The following SLC35F4 variants were observed in gnomAD, a reference collection of about 807,000 sequenced individuals.
The protein encoded by SLC35F4 is chromosome 14 open reading frame 36.
A neutral mutation model predicts 44.2 loss-of-function variants in SLC35F4; 24 were observed. That is an observed-to-expected ratio of 0.54 (90% CI 0.39 to 0.76). SLC35F4 has a LOEUF of 0.76. Among genes scored for constraint, SLC35F4 ranks in the 30% least tolerant of loss-of-function variants. SLC35F4 has a pLI of 0.00. For synonymous variants in SLC35F4, 238 were observed against 223.6 expected, an observed-to-expected ratio of 1.06 and a Z score of -0.57; for missense variants, 562 against 586.1, an observed-to-expected ratio of 0.96 and a Z score of 0.42.
chr14:57,569,637 G>T (rs2068385052), intron 6 of SLC35F4, 151 bp downstream of exon 6: 2 of 878,064 alleles, frequency 2.3e-6, no homozygotes, highest in Non-Finnish European at 3.3e-6. Flanking sequence ...AGCTTGCAAA[G>T]AACCTTCTAA....
chr14:57,656,372 TATATACACACACACAC>T (rs1300548875), intron 1 of SLC35F4, among the ~76,000 whole-genome samples: 1 of 86,162 alleles, frequency 1.2e-5, no homozygotes, highest in Non-Finnish European at 2.2e-5. Context: ...TATATATATA[TATATACACACACACAC>T]ACACACACAC....
At chr14:57,591,761 A>T (rs2070197401) in intron 2 of SLC35F4, among the ~76,000 whole-genome samples, 1 of 152,208 alleles carries the variant, frequency 6.6e-6, no homozygotes, top group South Asian at 2.1e-4. Context: ...GTCCTGCATG[A>T]AATTTAAAAA....
chr14:57,703,713 C>T (rs2075600403), intron 1 of SLC35F4, among the ~76,000 whole-genome samples: 1 of 152,190 alleles, frequency 6.6e-6, no homozygotes, highest in East Asian at 1.9e-4. Flanking sequence ...TAGCATTAGG[C>T]TCAAAAACTC....
intron 1 of SLC35F4, among the ~76,000 whole-genome samples, chr14:57,950,891 T>C (rs1162022587): frequency 6.6e-6 from 1 of 152,086 alleles, no homozygotes; most frequent in Non-Finnish European, 1.5e-5. Context: ...GGTCTTGAAC[T>C]CCTGACCTCA....
intron 1 of SLC35F4, among the ~76,000 whole-genome samples, chr14:57,938,911 T>A (rs1889865744): frequency 6.6e-6 from 1 of 152,218 alleles, no homozygotes; most frequent in South Asian, 2.1e-4. Context: ...ATTTTTGGAA[T>A]AAGACTGTAG....
At chr14:57,785,387 C>G (rs909033048) in intron 1 of SLC35F4, among the ~76,000 whole-genome samples, 2 of 152,186 alleles carry the variant, frequency 1.3e-5, no homozygotes, top group African/African-American at 2.4e-5. Flanking sequence ...TGAAATGAGA[C>G]AGTAGTACAT....
At chr14:57,796,926 A>G (rs74839926) in intron 1 of SLC35F4, among the ~76,000 whole-genome samples, 1,575 of 152,348 alleles carry the variant, frequency 0.01, 26 homozygotes, top group African/African-American at 0.03. Context: ...ACAATTTTGT[A>G]AACACTAACA....
At chr14:57,849,368 G>C (rs7150475) in intron 1 of SLC35F4, among the ~76,000 whole-genome samples, 12,398 of 152,082 alleles carry the variant, frequency 0.082, 560 homozygotes, top group Middle Eastern at 0.15. Context: ...CGCCATGTTG[G>C]CCAGGCTGGT....
At chr14:57,662,139 C>A (rs2074157830) in intron 1 of SLC35F4, among the ~76,000 whole-genome samples, 1 of 152,190 alleles carries the variant, frequency 6.6e-6, no homozygotes, top group African/African-American at 2.4e-5. Flanking sequence ...TCTTTGAAAA[C>A]ATGTAGAAAT....
rs75387851 is a variant in SLC35F4, at chr14:57,793,052, T to G, written c.103+72671A>C. Among the ~76,000 whole-genome samples the G allele has an allele frequency of 8.6e-5, 13 of 151,958 alleles. No individual in the cohort carries two copies. The East Asian group carries it at 2.3e-3, about 27-fold the overall frequency. ...AACTTAAAAAACAAAACCAAAATAT[T>G]AGAAACTGGTGTCTAGAAAACACAG... On this transcript the variant is annotated intron_variant, in intron 1 of 7. Transcript: ENST00000556826.
intron 1 of SLC35F4, among the ~76,000 whole-genome samples, chr14:57,952,882 G>A (rs1159660655): frequency 6.6e-6 from 1 of 152,078 alleles, no homozygotes; most frequent in African/African-American, 2.4e-5. Flanking sequence ...TTATCCAGGA[G>A]AATTTCCCCA....
At chr14:57,663,869 A>C (rs906196730) in intron 1 of SLC35F4, among the ~76,000 whole-genome samples, 1 of 152,180 alleles carries the variant, frequency 6.6e-6, no homozygotes, top group Admixed American at 6.5e-5. Flanking sequence ...GCAAATTGGC[A>C]GTTCACAGGT....
intron 1 of SLC35F4, among the ~76,000 whole-genome samples, chr14:57,815,950 C>T (rs1882520518): frequency 6.6e-6 from 1 of 152,106 alleles, no homozygotes; most frequent in African/African-American, 2.4e-5. Flanking sequence ...TGCAGGATTA[C>T]CCCAAAGGCA....
intron 1 of SLC35F4, among the ~76,000 whole-genome samples, chr14:57,905,188 T>C (rs527995252): frequency 6.6e-6 from 1 of 152,326 alleles, no homozygotes; most frequent in African/African-American, 2.4e-5. Context: ...CTCACTCTGA[T>C]GCCTGCCAAG....
At chr14:57,864,521 A>G (rs1887957275) in intron 1 of SLC35F4, among the ~76,000 whole-genome samples, 1 of 152,246 alleles carries the variant, frequency 6.6e-6, no homozygotes, top group Non-Finnish European at 1.5e-5. Flanking sequence ...AAGCTCTTGA[A>G]TTATTATTCA....
intron 1 of SLC35F4, among the ~76,000 whole-genome samples, chr14:57,686,742 A>G (rs1184211732): frequency 2.0e-5 from 3 of 152,154 alleles, no homozygotes; most frequent in South Asian, 2.1e-4. Flanking sequence ...TGATAACCTC[A>G]TATCAATGTT....
chr14:57,945,006 A>G (rs973175398), intron 1 of SLC35F4, among the ~76,000 whole-genome samples: 2 of 152,220 alleles, frequency 1.3e-5, no homozygotes, highest in African/African-American at 2.4e-5. Context: ...ATTGACAAAG[A>G]TAAGTATCTC....
chr14:57,861,735 A>C (rs1887697179), intron 1 of SLC35F4, among the ~76,000 whole-genome samples: 1 of 151,178 alleles, frequency 6.6e-6, no homozygotes, highest in Non-Finnish European at 1.5e-5. Context: ...TCCCCTTCAA[A>C]CTCTTTATTT....
intron 1 of SLC35F4, among the ~76,000 whole-genome samples, chr14:57,836,577 C>T (rs1472126102): frequency 6.6e-6 from 1 of 152,204 alleles, no homozygotes; most frequent in African/African-American, 2.4e-5. Flanking sequence ...AGGTGTGAGC[C>T]ACTGCGCCGG....
Sources: gnomAD v4.1 joint callset for allele counts (sites outside exome capture counted in the v4.1 genomes callset) on GRCh38, gnomAD v4.1.1 for gene constraint, MANE v1.5 for transcripts, NCBI Gene and HGNC (gene_info 2026-07-23, HGNC 2026-07-21) for gene names.